The following RAPH1 variants were observed in gnomAD, a reference collection of about 807,000 sequenced individuals.
The protein encoded by RAPH1 is Ras association (RalGDS/AF-6) and pleckstrin homology domains 1, also known as ras-associated and pleckstrin homology domains-containing protein 1.
A neutral mutation model predicts 88.1 loss-of-function variants in RAPH1; 18 were observed. The observed-to-expected ratio is 0.20, with a 90% CI of 0.14 to 0.30. RAPH1 has a LOEUF of 0.30. Among genes scored for constraint, RAPH1 ranks in the 10% least tolerant of loss-of-function variants. The probability of loss-of-function intolerance (pLI) is 1.00; values close to 1 mark genes in which losing one functional copy is unlikely to be tolerated. For synonymous variants in RAPH1, 587 were observed against 559.0 expected (o/e 1.05, Z -0.71); for missense variants, 1,448 against 1,543.2 (o/e 0.94, Z 1.03).
intron 1 of RAPH1, among the ~76,000 whole-genome samples, chr2:203,516,753 G>T (rs900160395): frequency 4.6e-5 from 7 of 151,788 alleles, no homozygotes; most frequent in Admixed American, 4.6e-4. Context: ...AAGAAAAAAG[G>T]CCAGGCGCAG....
intron 13 of RAPH1, chr2:203,443,622 A>G (rs1216814859): frequency 6.6e-6 from 1 of 151,056 alleles, no homozygotes; most frequent in East Asian, 1.9e-4. Context: ...TCAATGCCCA[A>G]AGAAATGGCA....
chr2:203,520,680 C>G (rs1581405294), intron 1 of RAPH1, among the ~76,000 whole-genome samples: 1 of 151,302 alleles, frequency 6.6e-6, no homozygotes. Flanking sequence ...AACCATACTT[C>G]TAGAAACATA....
In RAPH1 at chr2:203,437,173, A is replaced by G. The variant is rs2098499180; in HGVS notation, c.*2264T>C. ...AGCAAGAAATTCCAAGAAATCCTGC[A>G]CTGAAAACATAAAGGCTGTTGTTTT... On this transcript the variant is annotated 3_prime_UTR_variant, in exon 14 of 14. Coordinates refer to ENST00000319170, the MANE Select transcript of RAPH1 (RefSeq NM_213589.3). 6.6e-6 allele frequency: 1 copy of G among 152,200 alleles called. No individual in the cohort carries two copies. Among genetic ancestry groups the G allele is most frequent in the South Asian group, 2.1e-4 (1 of 4,822 alleles). The allele number at this position is 152,200 out of a possible 1,614,324, so 9.4% of individuals were successfully genotyped here. A position where few individuals can be genotyped will look rare whatever the true frequency, so the allele number is the denominator to read the frequency against.
At chr2:203,474,395 C>T (rs567946229) in intron 4 of RAPH1, among the ~76,000 whole-genome samples, 123 of 152,292 alleles carry the variant, frequency 8.1e-4, no homozygotes, top group African/African-American at 2.8e-3. Context: ...TGTCCTTACA[C>T]GGAGAGTCGC....
chr2:203,446,408 G>A (rs1201434501), intron 12 of RAPH1: 1 of 152,204 alleles, frequency 6.6e-6, no homozygotes, highest in Non-Finnish European at 1.5e-5. Context: ...GGCAGTGTTT[G>A]TCAGGTTTCT....
intron 13 of RAPH1, chr2:203,441,826 T>G: frequency 7.6e-7 from 1 of 1,309,928 alleles, no homozygotes; most frequent in Non-Finnish European, 9.7e-7. Flanking sequence ...AGTTTACCTT[T>G]CAGTCCATGA....
chr2:203,498,276 G>A (rs1223924544), intron 1 of RAPH1, among the ~76,000 whole-genome samples: 3 of 152,082 alleles, frequency 2.0e-5, no homozygotes, highest in Admixed American at 6.5e-5. Context: ...GCAATAATAC[G>A]CAAGGCACTG....
chr2:203,449,846 A>C (rs1247553371), intron 10 of RAPH1, among the ~76,000 whole-genome samples: 9 of 152,122 alleles, frequency 5.9e-5, no homozygotes, highest in African/African-American at 2.2e-4. Context: ...AACACGGTGA[A>C]ACCCCGTCTC....
At position 203,508,643 on chromosome 2, in the gene RAPH1, G is replaced by T. The variant is rs193198796; in HGVS notation, c.1-13290C>A. The stretch of plus-strand genomic sequence containing the variant: ...ATCTGCATACAAGCAGACCCACACA[G>T]TGCAAACCTGTGTTGTTCAAGTGTC... On this transcript the variant is annotated intron_variant, in intron 1 of 13. Coordinates refer to ENST00000319170, the MANE Select transcript of RAPH1 (RefSeq NM_213589.3). Among the ~76,000 whole-genome samples, 5 of 152,196 alleles carry T rather than the reference G, an allele frequency of 3.3e-5. No individual in the cohort carries two copies. In the East Asian group the frequency reaches 9.6e-4, roughly 29 times the overall value.
Position 203,455,512 on chromosome 2 carries a change from GC to G in RAPH1, c.1226del (p.Gly409AlafsTer62). ...AATAACGCTTTTTCCAGGACTTCTT[GC>G]CATCATCCTTCAACCAAAGGACTCC... ...IEGVLWLKDD[G>X]KKSWKKRYFL... is the part of the protein sequence containing the mutation. On this transcript the variant is annotated frameshift_variant, in exon 9 of 14. Coordinates refer to ENST00000319170, the MANE Select transcript of RAPH1 (RefSeq NM_213589.3). LOFTEE classifies it high-confidence loss of function. 6.2e-7 allele frequency: 1 copy of G among 1,613,728 alleles called. No individual in the cohort carries two copies. The highest frequency in any genetic ancestry group is 1.3e-5 in the African/African-American group (1 of 75,024).
intron 4 of RAPH1, among the ~76,000 whole-genome samples, chr2:203,476,193 C>T (rs1304922884): frequency 6.6e-6 from 1 of 152,116 alleles, no homozygotes; most frequent in Non-Finnish European, 1.5e-5. Flanking sequence ...CTTGCTCCGT[C>T]ACTCAGGCTG....
intron 1 of RAPH1, among the ~76,000 whole-genome samples, chr2:203,500,546 C>G (rs1213882477): frequency 6.6e-6 from 1 of 152,098 alleles, no homozygotes; most frequent in Non-Finnish European, 1.5e-5. Context: ...ACCTGGGGTG[C>G]ATCTTTTAAA....
At chr2:203,506,265 GAT>G (rs1436784248) in intron 1 of RAPH1, among the ~76,000 whole-genome samples, 3 of 152,182 alleles carry the variant, frequency 2.0e-5, no homozygotes, top group African/African-American at 7.2e-5. Context: ...TAAAGACAGA[GAT>G]GTGTGTATTA....
At chr2:203,531,523 ACTC>A (rs1690389506) in intron 1 of RAPH1, among the ~76,000 whole-genome samples, 1 of 152,210 alleles carries the variant, frequency 6.6e-6, no homozygotes, top group Non-Finnish European at 1.5e-5. Context: ...TGTACAAAGA[ACTC>A]CTACAACTCA....
chr2:203,513,351 C>CTTT (rs35194583), intron 1 of RAPH1, among the ~76,000 whole-genome samples: 4,411 of 86,910 alleles, frequency 0.051, 568 homozygotes, highest in African/African-American at 0.16. Flanking sequence ...TTCTCTCAAT[C>CTTT]TTTTTTTTTT....
intron 1 of RAPH1, among the ~76,000 whole-genome samples, chr2:203,499,007 A>G (rs935098731): frequency 6.7e-6 from 1 of 150,228 alleles, no homozygotes; most frequent in Non-Finnish European, 1.5e-5. Flanking sequence ...GCTATACTCT[A>G]CAGCCTAGGT....
At chr2:203,459,118 C>G (rs755094588) in intron 7 of RAPH1, among the ~76,000 whole-genome samples, 103 of 152,186 alleles carry the variant, frequency 6.8e-4, no homozygotes, top group Non-Finnish European at 1.4e-3. Flanking sequence ...ATCAGTCCAC[C>G]TCAGCCTCCC....
At position 203,489,758 on chromosome 2, in the gene RAPH1, C is replaced by T. The variant is rs1162873859; in HGVS notation, c.558G>A (p.Gln186=). ...LEDTKPLVTN[Q]HRRTASAGTV... is the part of the protein sequence containing the mutation. Reference sequence around the variant, plus strand: ...TGCCTGCTGACGCGGTTCTTCTGTGCTGATTAGTTACTAAGGGTTTAGTAT... The same window carrying T: ...TGCCTGCTGACGCGGTTCTTCTGTGTTGATTAGTTACTAAGGGTTTAGTAT... The change falls in exon 4 of 14, where the codon CAG becomes CAA. Residue 186 remains glutamine, a synonymous_variant. Transcript: ENST00000319170. 1 of 1,614,060 alleles carries T rather than the reference C, an allele frequency of 6.2e-7. No homozygotes were observed. Among genetic ancestry groups the T allele is most frequent in the African/African-American group, 1.3e-5 (1 of 74,920 alleles).
chr2:203,484,143 G>A (rs1024845553), intron 4 of RAPH1, among the ~76,000 whole-genome samples: 1 of 152,090 alleles, frequency 6.6e-6, no homozygotes, highest in African/African-American at 2.4e-5. Flanking sequence ...GATTAGAGAT[G>A]GAATATATGC....
Sources: gnomAD v4.1 joint callset for allele counts (sites outside exome capture counted in the v4.1 genomes callset) on GRCh38, gnomAD v4.1.1 for gene constraint, MANE v1.5 for transcripts, NCBI Gene and HGNC (gene_info 2026-07-23, HGNC 2026-07-21) for gene names.